Variants in KCNQ5 observed in about 807,000 individuals in gnomAD.
The protein encoded by KCNQ5 is potassium voltage-gated channel subfamily Q member 5.
A neutral mutation model predicts 98.2 loss-of-function variants in KCNQ5; 30 were observed. The ratio of observed to expected loss-of-function variants is 0.31; its 90% CI spans 0.23 to 0.41. KCNQ5 has a LOEUF of 0.41. KCNQ5 is among the 10% of genes least tolerant of loss of function. The probability of loss-of-function intolerance (pLI) is 1.00; values close to 1 mark genes in which losing one functional copy is unlikely to be tolerated. For missense variants in KCNQ5, 835 were observed against 1,182.5 expected (o/e 0.71, Z 4.31); for synonymous variants, 458 against 449.4 (o/e 1.02, Z -0.24).
At chr6:72,707,762 G>A (rs1769162569) in intron 1 of KCNQ5, among the ~76,000 whole-genome samples, 1 of 152,188 alleles carries the variant, frequency 6.6e-6, no homozygotes, top group South Asian at 2.1e-4. Context: ...CACCCAGGCT[G>A]GAGTGCAGTG....
chr6:73,093,330 A>G (rs530449200), intron 5 of KCNQ5, among the ~76,000 whole-genome samples: 2 of 152,076 alleles, frequency 1.3e-5, no homozygotes, highest in South Asian at 2.1e-4. Flanking sequence ...CGGTCTATCA[A>G]TTTTATTCAT....
rs929550454 is a variant in KCNQ5 at position 72,870,550 on chromosome 6, C to T, written c.399-133358C>T. Among the ~76,000 whole-genome samples the T allele has an allele frequency of 1.4e-4, 22 of 152,156 alleles. 1 individual carries two copies. In the South Asian group the frequency reaches 2.1e-3, roughly 14 times the overall value. On this transcript the variant is annotated intron_variant, in intron 1 of 13. Transcript: ENST00000370398. ...ACAAGTGTGAGCCACTGCACCCAGC[C>T]GGGTGGCATATTTTATGTCTCTTCC...
At position 73,190,618 on chromosome 6, in the gene KCNQ5, A is replaced by G. The variant is rs760375253; in HGVS notation, c.1623A>G (p.Leu541=). 3 of 1,574,608 alleles carry G rather than the reference A, an allele frequency of 1.9e-6. No homozygotes were observed. The highest frequency in any genetic ancestry group is 1.3e-5 in the African/African-American group (1 of 74,278). Reference sequence around the variant, plus strand: ...CAAAACGGAAGTTTAAGGAAACATTACGTCCATATGATGTAAAAGATGTCA... The same window carrying G: ...CAAAACGGAAGTTTAAGGAAACATTGCGTCCATATGATGTAAAAGATGTCA... ...HVAKRKFKET[L]RPYDVKDVIE... The change falls in exon 12 of 14, where the codon TTA becomes TTG. Residue 541 remains leucine, a synonymous_variant. Transcript: ENST00000370398.
At chr6:72,734,845 A>G (rs1340812658) in intron 1 of KCNQ5, among the ~76,000 whole-genome samples, 1 of 152,150 alleles carries the variant, frequency 6.6e-6, no homozygotes, top group Admixed American at 6.5e-5. Flanking sequence ...TCAGAGATCA[A>G]TTTTCTCAGC....
chr6:72,813,933 G>C (rs1237466072), intron 1 of KCNQ5, among the ~76,000 whole-genome samples: 1 of 152,120 alleles, frequency 6.6e-6, no homozygotes, highest in Non-Finnish European at 1.5e-5. Flanking sequence ...CCTTGGATCA[G>C]GCATTTAGGA....
chr6:72,691,646 GA>G (rs1768218356), intron 1 of KCNQ5, among the ~76,000 whole-genome samples: 1 of 152,160 alleles, frequency 6.6e-6, no homozygotes, highest in Admixed American at 6.5e-5. Context: ...GGGAAAATAA[GA>G]AAAAGAATTA....
intron 1 of KCNQ5, among the ~76,000 whole-genome samples, chr6:72,718,095 C>T (rs981466160): frequency 6.6e-6 from 1 of 152,158 alleles, no homozygotes; most frequent in African/African-American, 2.4e-5. Flanking sequence ...TTATTATTTA[C>T]ATTCTTACAA....
rs56851973 is a variant in KCNQ5 at position 72,645,389 on chromosome 6, G to GA, written c.398+22814dup. 2.9e-3 allele frequency among the ~76,000 whole-genome samples: 409 copies of GA among 142,492 alleles called. 1 individual carries two copies. Among genetic ancestry groups the GA allele is most frequent in the Non-Finnish European group, 4.7e-3 (304 of 64,590 alleles). The allele number at this position is 142,492 out of a possible 152,430, so 93.5% of individuals were successfully genotyped here. A position where few individuals can be genotyped will look rare whatever the true frequency, so the allele number is the denominator to read the frequency against. ...TGATACAGCAAGACCTTGTCTCAAG[G>GA]AAAAAAAAAAAACACACATACACAC... is the stretch of plus-strand genomic sequence containing the variant. On this transcript the variant is annotated intron_variant, in intron 1 of 13. Transcript: ENST00000370398.
In KCNQ5 at chr6:72,902,153, G is replaced by A. The variant is rs560734043; in HGVS notation, c.399-101755G>A. On this transcript the variant is annotated intron_variant, in intron 1 of 13. Transcript: ENST00000370398. ...TTTGATTTTCAGCTTGGTCGCTGTT[G>A]GTATACAGAAGAGCTACTGATTTGT... 3.0e-4 allele frequency among the ~76,000 whole-genome samples: 46 copies of A among 152,198 alleles called. 1 individual carries two copies. The South Asian group carries it at 9.3e-3, about 31-fold the overall frequency.
chr6:72,909,516 A>G (rs1779838386), intron 1 of KCNQ5, among the ~76,000 whole-genome samples: 2 of 152,166 alleles, frequency 1.3e-5, no homozygotes, highest in Admixed American at 6.6e-5. Flanking sequence ...GGATAAGGTA[A>G]TGTTTGTAGT....
At chr6:72,774,023 C>T (rs1773043732) in intron 1 of KCNQ5, among the ~76,000 whole-genome samples, 1 of 151,840 alleles carries the variant, frequency 6.6e-6, no homozygotes, top group South Asian at 2.1e-4. Context: ...ATAATTTTTT[C>T]CCCCAGCAAG....
intron 5 of KCNQ5, among the ~76,000 whole-genome samples, chr6:73,103,174 T>G (rs533080046): frequency 6.6e-6 from 1 of 152,196 alleles, no homozygotes; most frequent in Admixed American, 6.5e-5. Flanking sequence ...CGGAGCTCAT[T>G]TTGTTGAGTA....
chr6:72,948,054 A>G (rs1169037251), intron 1 of KCNQ5, among the ~76,000 whole-genome samples: 1 of 152,142 alleles, frequency 6.6e-6, no homozygotes, highest in African/African-American at 2.4e-5. Flanking sequence ...CAAGAAATCA[A>G]TTAACGTAGC....
chr6:72,622,663 C>A lies in KCNQ5; in HGVS notation c.398+76C>A. The A allele has an allele frequency of 1.3e-6, 2 of 1,545,258 alleles. No individual in the cohort carries two copies. The highest frequency in any genetic ancestry group is 1.2e-5 in the South Asian group (1 of 85,144). On this transcript the variant is annotated intron_variant, in intron 1 of 13. Coordinates refer to ENST00000370398, the MANE Select transcript of KCNQ5 (RefSeq NM_019842.4). The surrounding 1 kb of genome is among the most constrained non-coding windows in gnomAD (Gnocchi z 6.0). ...GGCCCCCTGGGGCGTGCTCCGCGCT[C>A]GCGCCCTTGGGCCCCCGCGCGCGTG...
chr6:72,980,224 G>T (rs890353942), intron 1 of KCNQ5, among the ~76,000 whole-genome samples: 38 of 152,262 alleles, frequency 2.5e-4, no homozygotes, highest in Middle Eastern at 3.4e-3. Flanking sequence ...AAAGTCACTG[G>T]TAGCTTAATG....
At chr6:72,748,169 T>A (rs183775967) in intron 1 of KCNQ5, among the ~76,000 whole-genome samples, 3 of 152,218 alleles carry the variant, frequency 2.0e-5, no homozygotes, top group Non-Finnish European at 4.4e-5. Flanking sequence ...ATACAGTTGA[T>A]GTGTGATAGT....
intron 2 of KCNQ5, among the ~76,000 whole-genome samples, chr6:73,025,623 C>CAAAAAAAAAAAAAAAAAAAAAAAAAAAAA (rs58607159): frequency 1.3e-4 from 7 of 53,000 alleles, no homozygotes; most frequent in Admixed American, 2.2e-4. Context: ...AACTCCATCT[C>CAAAAAAAAAAAAAAAAAAAAAAAAAAAAA]AAAAAAAAAA....
At chr6:72,667,665 T>G (rs1766893384) in intron 1 of KCNQ5, among the ~76,000 whole-genome samples, 1 of 152,138 alleles carries the variant, frequency 6.6e-6, no homozygotes, top group Non-Finnish European at 1.5e-5. Context: ...ATGTCAACAG[T>G]AACAGGATAC....
rs544623425 is a variant in KCNQ5, at chr6:73,195,062, T to C, written c.2447T>C (p.Leu816Ser). 1.9e-6 allele frequency: 3 copies of C among 1,614,232 alleles called. No individual in the cohort carries two copies. The highest frequency in any genetic ancestry group is 3.3e-5 in the Admixed American group (2 of 60,020). The change falls in exon 14 of 14, where the codon TTG (leucine) becomes TCG (serine). Residue 816 changes from leucine (L) to serine (S), a missense_variant. Transcript: ENST00000370398. ...KSFDMGGETL[L>S]SVCPMVPKDL... ...TTTGACATGGGAGGAGAAACTCTGT[T>C]GTCTGTCTGTCCCATGGTGCCGAAG...
Sources: gnomAD v4.1 joint callset for allele counts (sites outside exome capture counted in the v4.1 genomes callset) on GRCh38, gnomAD v4.1.1 for gene constraint, Gnocchi (gnomAD v3.1) non-coding constraint, MANE v1.5 for transcripts, NCBI Gene and HGNC (gene_info 2026-07-23, HGNC 2026-07-21) for gene names.